Variants in CFAP61 observed in about 807,000 individuals in gnomAD.
CFAP61 encodes cilia- and flagella-associated protein 61.
In CFAP61, 107 loss-of-function variants were observed where a neutral mutation model predicts 135.6. The ratio of observed to expected loss-of-function variants is 0.79; its 90% CI spans 0.67 to 0.93. The LOEUF (loss-of-function observed/expected upper bound fraction) is 0.93. Ranked by LOEUF, CFAP61 falls within the 40% of genes least tolerant of loss-of-function variation. CFAP61 has a pLI of 0.00. For synonymous variants in CFAP61, 575 were observed against 578.5 expected (o/e 0.99, Z 0.09); for missense variants, 1,507 against 1,556.2 (o/e 0.97, Z 0.53).
intron 3 of CFAP61, 84 bp downstream of exon 3, chr20:20,071,088 T>C: frequency 2.2e-6 from 3 of 1,393,350 alleles, no homozygotes. Flanking sequence ...TTTCCAAGTT[T>C]TGTACTGAGC....
rs375921680 is a variant in CFAP61 at position 20,304,089 on chromosome 20, G to A, written c.3422+5703G>A. Among the ~76,000 whole-genome samples the A allele has an allele frequency of 2.3e-3, 352 of 152,236 alleles. 3 individuals are homozygous for A. The highest frequency in any genetic ancestry group is 0.015 in the South Asian group (72 of 4,820). ...GAACCATATGGGGACACGAGGTGGC[G>A]GCCGAGCTGTCAGCCGCCATGATGC... On this transcript the variant is annotated intron_variant, in intron 25 of 26. Transcript: ENST00000245957.
intron 5 of CFAP61, 51 bp from the exon 6 acceptor site, chr20:20,075,438 A>C (rs8126258): frequency 0.092 from 147,147 of 1,599,270 alleles, 7,186 homozygotes; most frequent in South Asian, 0.12. Flanking sequence ...CTGACATCCC[A>C]AATTTATTTC....
intron 24 of CFAP61, among the ~76,000 whole-genome samples, chr20:20,291,938 G>T (rs1005828164): frequency 1.3e-5 from 2 of 152,172 alleles, no homozygotes; most frequent in African/African-American, 4.8e-5. Context: ...GAATATTTTT[G>T]AGGGTAAACA....
At chr20:20,170,312 A>C (rs983464526) in intron 13 of CFAP61, among the ~76,000 whole-genome samples, 1 of 152,234 alleles carries the variant, frequency 6.6e-6, no homozygotes, top group Non-Finnish European at 1.5e-5. Flanking sequence ...ACCTGATTTT[A>C]TTAAAATGTA....
intron 22 of CFAP61, among the ~76,000 whole-genome samples, chr20:20,287,190 GA>G (rs200389291): frequency 6.7e-6 from 1 of 150,220 alleles, no homozygotes. Context: ...TTATAAGACA[GA>G]AAAAAAAAGA....
At chr20:20,091,091 C>T (rs1161360244) in intron 7 of CFAP61, 115 bp downstream of exon 7, 17 of 1,193,470 alleles carry the variant, frequency 1.4e-5, no homozygotes, top group South Asian at 5.5e-5. Context: ...CTGGCCACCC[C>T]GGCCCTCCCA....
intron 17 of CFAP61, among the ~76,000 whole-genome samples, chr20:20,208,906 G>A (rs2047428454): frequency 6.6e-6 from 1 of 152,140 alleles, no homozygotes; most frequent in Non-Finnish European, 1.5e-5. Flanking sequence ...TAAAGCAAAG[G>A]ACAAGGCACC....
chr20:20,176,814 G>A (rs911662000), intron 13 of CFAP61, among the ~76,000 whole-genome samples: 1 of 152,132 alleles, frequency 6.6e-6, no homozygotes, highest in Non-Finnish European at 1.5e-5. Flanking sequence ...ACAAACCACC[G>A]TGGCACACTA....
chr20:20,193,652 C>T (rs12624516), intron 15 of CFAP61, among the ~76,000 whole-genome samples: 11,587 of 151,966 alleles, frequency 0.076, 1,245 homozygotes, highest in East Asian at 0.56. Context: ...CTTGCTCTAT[C>T]CCCTAGGCTG....
chr20:20,266,511 A>G (rs1162109847), intron 21 of CFAP61, among the ~76,000 whole-genome samples: 1 of 152,218 alleles, frequency 6.6e-6, no homozygotes, highest in Non-Finnish European at 1.5e-5. Flanking sequence ...ACAGTTCAGG[A>G]TGTAACTCTT....
intron 18 of CFAP61, among the ~76,000 whole-genome samples, chr20:20,232,266 C>G (rs550533278): frequency 6.6e-6 from 1 of 152,128 alleles, no homozygotes. Context: ...AAAGTGAACT[C>G]CCACCAAGTC....
At chr20:20,205,565 A>G (rs2056821110) in intron 17 of CFAP61, among the ~76,000 whole-genome samples, 1 of 152,240 alleles carries the variant, frequency 6.6e-6, no homozygotes, top group South Asian at 2.1e-4. Context: ...GGCACCAGGT[A>G]CTTAACAAAA....
chr20:20,167,125 AAC>A (rs1385098682), intron 12 of CFAP61, among the ~76,000 whole-genome samples: 1 of 152,210 alleles, frequency 6.6e-6, no homozygotes, highest in African/African-American at 2.4e-5. Flanking sequence ...AAGTAAAGTC[AAC>A]AACTGTACTT....
chr20:20,084,313 A>G (rs1244472668), intron 6 of CFAP61, among the ~76,000 whole-genome samples: 1 of 152,226 alleles, frequency 6.6e-6, no homozygotes, highest in African/African-American at 2.4e-5. Context: ...TTTAAAGTCC[A>G]GCTTTAAATA....
chr20:20,069,079 C>T (rs1333425040), intron 2 of CFAP61, among the ~76,000 whole-genome samples: 1 of 151,946 alleles, frequency 6.6e-6, no homozygotes, highest in African/African-American at 2.4e-5. Flanking sequence ...ACTGGTTTTC[C>T]ATTTATGGTA....
chr20:20,085,377 C>T (rs971237839), intron 6 of CFAP61: 12 of 1,338,996 alleles, frequency 9.0e-6, no homozygotes, highest in African/African-American at 6.0e-5. Context: ...CATTAGCACT[C>T]GGGCTGATGC....
Position 20,228,134 on chromosome 20 carries a change from G to A in CFAP61, c.1933-115G>A, listed in dbSNP as rs1472836653. On this transcript the variant is annotated intron_variant, in intron 17 of 26. Coordinates refer to ENST00000245957, the MANE Select transcript of CFAP61 (RefSeq NM_015585.4). ...GGTGGCTGTACATGGGCACTATTAG[G>A]TTTGTTTTGGTGGTAATGTCCTGGT... The A allele has an allele frequency of 3.6e-6, 3 of 828,342 alleles. No individual in the cohort carries two copies. In the African/African-American group the frequency reaches 5.0e-5, roughly 14 times the overall value. 51.3% of individuals were successfully genotyped at this position (828,342 alleles called of 1,614,324 possible).
chr20:20,124,717 T>G (rs946456937), intron 8 of CFAP61, among the ~76,000 whole-genome samples: 1 of 151,264 alleles, frequency 6.6e-6, no homozygotes, highest in South Asian at 2.1e-4. Flanking sequence ...GGTTATGTCC[T>G]TTCCTGGTTC....
At chr20:20,272,471 A>G (rs1056035334) in intron 21 of CFAP61, among the ~76,000 whole-genome samples, 8 of 152,196 alleles carry the variant, frequency 5.3e-5, no homozygotes, top group African/African-American at 1.7e-4. Context: ...ATGCTATCAA[A>G]GAACATATGT....
Sources: allele counts gnomAD v4.1 joint callset (sites outside exome capture counted in the v4.1 genomes callset), GRCh38; gene constraint gnomAD v4.1.1; transcripts MANE v1.5; gene names NCBI Gene and HGNC (gene_info 2026-07-23, HGNC 2026-07-21).